ADAM23: variants seen among roughly 807,000 people sequenced by gnomAD.
ADAM23 encodes ADAM metallopeptidase domain 23, also known as disintegrin and metalloproteinase domain-containing protein 23.
A neutral mutation model predicts 120.1 loss-of-function variants in ADAM23; 33 were observed. That is an observed-to-expected ratio of 0.27 (90% CI 0.21 to 0.37). ADAM23 has a LOEUF of 0.37. Ranked by LOEUF, ADAM23 falls within the 10% of genes least tolerant of loss-of-function variation. ADAM23 has a pLI of 1.00. For missense variants in ADAM23, 862 were observed against 1,058.2 expected (o/e 0.81, Z 2.57); for synonymous variants, 367 against 375.2 (o/e 0.98, Z 0.25).
chr2:206,458,042 T>C (rs1441156994), intron 2 of ADAM23, among the ~76,000 whole-genome samples: 1 of 152,204 alleles, frequency 6.6e-6, no homozygotes, highest in African/African-American at 2.4e-5. Context: ...TAGCCATTTA[T>C]TTGCAGGATA....
chr2:206,561,425 C>G (rs1697763140), intron 12 of ADAM23, among the ~76,000 whole-genome samples: 1 of 152,122 alleles, frequency 6.6e-6, no homozygotes, highest in African/African-American at 2.4e-5. Context: ...ATATATCAGG[C>G]AAATGCAGCT....
intron 18 of ADAM23, 66 bp downstream of exon 18, chr2:206,573,261 G>T: frequency 6.9e-7 from 1 of 1,444,292 alleles, no homozygotes; most frequent in Admixed American, 1.7e-5. Context: ...TTACCACAGT[G>T]CTTGGGGCCA....
chr2:206,535,557 TG>T, intron 4 of ADAM23, among the ~76,000 whole-genome samples: 1 of 152,368 alleles, frequency 6.6e-6, no homozygotes, highest in African/African-American at 2.4e-5. Flanking sequence ...ACACCCTAAA[TG>T]TCCTTCAATT....
intron 18 of ADAM23, among the ~76,000 whole-genome samples, chr2:206,586,272 A>T (rs1201169144): frequency 6.6e-6 from 1 of 152,226 alleles, no homozygotes; most frequent in Non-Finnish European, 1.5e-5. Context: ...TCTGATAGCA[A>T]TGTAAACTCT....
chr2:206,616,716 C>T (rs1457011125), intron 25 of ADAM23, among the ~76,000 whole-genome samples: 1 of 152,034 alleles, frequency 6.6e-6, no homozygotes, highest in Non-Finnish European at 1.5e-5. Flanking sequence ...TGCATGATGC[C>T]TCGGTGGCAG....
Position 206,444,090 on chromosome 2 carries a change from G to A in ADAM23, c.214+10G>A. ...GCTGCTGCGCCCAGCGGTGGGTATG[G>A]CCCCGTGCCCTTTGCGTTGGCTTTC... On this transcript the variant is annotated intron_variant, in intron 1 of 25. Coordinates refer to ENST00000264377, the MANE Select transcript of ADAM23 (RefSeq NM_003812.4). 9 of 1,304,990 alleles carry A rather than the reference G, an allele frequency of 6.9e-6. No individual in the cohort carries two copies. Among genetic ancestry groups the A allele is most frequent in the Non-Finnish European group, 7.8e-6 (8 of 1,027,176 alleles). The allele number at this position is 1,304,990 out of a possible 1,614,324, so 80.8% of individuals were successfully genotyped here.
intron 4 of ADAM23, among the ~76,000 whole-genome samples, chr2:206,533,439 G>A (rs528140554): frequency 4.6e-5 from 7 of 152,112 alleles, no homozygotes; most frequent in Non-Finnish European, 7.4e-5. Flanking sequence ...TGCTGACCTC[G>A]TGATCCACCC....
At chr2:206,528,745 TCAGAATAG>T (rs563323150) in intron 3 of ADAM23, among the ~76,000 whole-genome samples, 2 of 152,064 alleles carry the variant, frequency 1.3e-5, no homozygotes, top group Non-Finnish European at 2.9e-5. Flanking sequence ...TTATAGAAAA[TCAGAATAG>T]CAGAATAGGG....
At chr2:206,459,971 G>A (rs1695381192) in intron 2 of ADAM23, among the ~76,000 whole-genome samples, 1 of 152,098 alleles carries the variant, frequency 6.6e-6, no homozygotes, top group Admixed American at 6.6e-5. Flanking sequence ...TCTTCTCCCT[G>A]ATTTTGTCCC....
chr2:206,478,507 T>TATGATGATGATG (rs58463126), intron 2 of ADAM23, among the ~76,000 whole-genome samples: 69 of 150,528 alleles, frequency 4.6e-4, no homozygotes, highest in African/African-American at 1.6e-3. Flanking sequence ...ATCATAATGA[T>TATGATGATGATG]ATGATGATGA....
chr2:206,601,765 C>T (rs1469219749), intron 24 of ADAM23, among the ~76,000 whole-genome samples: 1 of 145,950 alleles, frequency 6.9e-6, no homozygotes, highest in African/African-American at 2.6e-5. Flanking sequence ...GAGAGTAAGA[C>T]CCTTCTCAAA....
At chr2:206,589,842 A>G (rs1454639505) in intron 21 of ADAM23, among the ~76,000 whole-genome samples, 1 of 152,188 alleles carries the variant, frequency 6.6e-6, no homozygotes, top group Admixed American at 6.5e-5. Context: ...TTACTAGAAT[A>G]TATGGCCTAT....
chr2:206,587,555 T>C (rs1337175039), intron 19 of ADAM23, among the ~76,000 whole-genome samples, 180 bp downstream of exon 19: 1 of 150,242 alleles, frequency 6.7e-6, no homozygotes, highest in Admixed American at 6.7e-5. Context: ...TATTTACCTC[T>C]GGTGACAAAT....
intron 2 of ADAM23, among the ~76,000 whole-genome samples, chr2:206,451,464 T>A (rs1489853091): frequency 6.6e-6 from 1 of 152,238 alleles, no homozygotes; most frequent in African/African-American, 2.4e-5. Context: ...GGTCTTGAAC[T>A]CCTGACCTCA....
At chr2:206,445,209 GA>G in intron 1 of ADAM23, 97 bp from the exon 2 acceptor site, 7 of 865,934 alleles carry the variant, frequency 8.1e-6, no homozygotes, top group Non-Finnish European at 1.3e-5. Flanking sequence ...GAAATTAAAG[GA>G]AAAATGCATT....
chr2:206,618,423 C>G lies in ADAM23; in HGVS notation c.*796C>G, dbSNP rs1405772092. The G allele has an allele frequency of 6.6e-6, 1 of 152,148 alleles. No individual in the cohort carries two copies. Among genetic ancestry groups the G allele is most frequent in the East Asian group, 1.9e-4 (1 of 5,192 alleles). 9.4% of individuals were successfully genotyped at this position (152,148 alleles called of 1,614,324 possible). A position where few individuals can be genotyped will look rare whatever the true frequency, so the allele number is the denominator to read the frequency against. On this transcript the variant is annotated 3_prime_UTR_variant, in exon 26 of 26. Coordinates refer to ENST00000264377, the MANE Select transcript of ADAM23 (RefSeq NM_003812.4). ...TGAACAATGATGCTATTGTATAGTT[C>G]TTTTATAAATGTAAATATGGAAATA...
chr2:206,585,398 C>A (rs1698302455), intron 18 of ADAM23, among the ~76,000 whole-genome samples: 1 of 152,116 alleles, frequency 6.6e-6, no homozygotes, highest in Non-Finnish European at 1.5e-5. Flanking sequence ...ACTGCTGATC[C>A]CTTGAATACT....
intron 3 of ADAM23, among the ~76,000 whole-genome samples, chr2:206,499,508 G>GGGGAGGGGGGA (rs1553551909): frequency 7.8e-6 from 1 of 128,088 alleles, no homozygotes. Flanking sequence ...TGGGGGGAGG[G>GGGGAGGGGGGA]GGGATAGCAT....
intron 22 of ADAM23, among the ~76,000 whole-genome samples, chr2:206,594,354 T>C (rs996635528): frequency 2.6e-5 from 4 of 152,224 alleles, no homozygotes; most frequent in Admixed American, 1.3e-4. Flanking sequence ...TTGTTCATCG[T>C]CTGCTTTTTT....
Sources: allele counts gnomAD v4.1 joint callset (sites outside exome capture counted in the v4.1 genomes callset), GRCh38; gene constraint gnomAD v4.1.1; transcripts MANE v1.5; gene names NCBI Gene and HGNC (gene_info 2026-07-23, HGNC 2026-07-21).